AADAT: variants seen among roughly 807,000 people sequenced by gnomAD.
AADAT encodes kynurenine/alpha-aminoadipate aminotransferase, mitochondrial.
A neutral mutation model predicts 56.2 loss-of-function variants in AADAT; 25 were observed. That is an observed-to-expected ratio of 0.44 (90% CI 0.32 to 0.62). AADAT has a LOEUF of 0.62. Among genes scored for constraint, AADAT ranks in the 20% least tolerant of loss-of-function variants. The pLI, the probability that AADAT is intolerant of heterozygous loss-of-function variation, is 0.04. For missense variants in AADAT, 387 were observed against 510.5 expected (o/e 0.76, Z 2.33); for synonymous variants, 173 against 164.7 (o/e 1.05, Z -0.39).
chr4:170,063,694 T>A (rs1050909500), intron 11 of AADAT, among the ~76,000 whole-genome samples: 1 of 152,220 alleles, frequency 6.6e-6, no homozygotes, highest in East Asian at 1.9e-4. Context: ...TAGAGCACCT[T>A]GTCTCTTATG....
intron 3 of AADAT, among the ~76,000 whole-genome samples, chr4:170,083,274 G>C (rs546175511): frequency 1.3e-5 from 2 of 151,906 alleles, no homozygotes; most frequent in African/African-American, 4.8e-5. Flanking sequence ...ATTAAACAAC[G>C]TGCTCCTGAA....
At chr4:170,061,367 A>G (rs542023460) in intron 12 of AADAT, among the ~76,000 whole-genome samples, 1 of 152,348 alleles carries the variant, frequency 6.6e-6, no homozygotes, top group African/African-American at 2.4e-5. Flanking sequence ...GCAAGTAAAT[A>G]AAGAACATGC....
Position 170,070,194 on chromosome 4 carries a change from C to T in AADAT, c.720+393G>A, listed in dbSNP as rs1043603407. On this transcript the variant is annotated intron_variant, in intron 6 of 12. Transcript: ENST00000337664. ...TCTCATACATCATTCTAATCGGCCA[C>T]CACCAAGACACAGAAGTCAACGGCC... Among the ~76,000 whole-genome samples, 58 of 151,968 alleles carry T rather than the reference C, an allele frequency of 3.8e-4. 1 individual carries two copies. The highest frequency in any genetic ancestry group is 1.2e-3 in the African/African-American group (49 of 41,360).
intron 9 of AADAT, 99 bp downstream of exon 9, chr4:170,067,228 T>C (rs565062340): frequency 1.1e-6 from 1 of 893,548 alleles, no homozygotes. Flanking sequence ...TTTCCGAGGA[T>C]ACTTAGGAAG....
At chr4:170,084,007 G>A (rs916692479) in intron 3 of AADAT, among the ~76,000 whole-genome samples, 1 of 152,092 alleles carries the variant, frequency 6.6e-6, no homozygotes, top group Non-Finnish European at 1.5e-5. Flanking sequence ...GCTGATGAAT[G>A]GATAAGGAAA....
At chr4:170,068,880 C>T (rs1371901890) in intron 7 of AADAT, among the ~76,000 whole-genome samples, 193 bp from the exon 8 acceptor site, 1 of 152,156 alleles carries the variant, frequency 6.6e-6, no homozygotes, top group Admixed American at 6.5e-5. Context: ...AGATCGACTA[C>T]GTATTTCGAA....
chr4:170,085,404 A>T (rs531222499), intron 3 of AADAT, among the ~76,000 whole-genome samples: 4 of 152,348 alleles, frequency 2.6e-5, no homozygotes, highest in African/African-American at 9.6e-5. Flanking sequence ...ACTGTTTAAA[A>T]GATGAGAGAG....
intron 8 of AADAT, among the ~76,000 whole-genome samples, chr4:170,067,643 T>C (rs978872565): frequency 6.6e-6 from 1 of 152,194 alleles, no homozygotes; most frequent in Non-Finnish European, 1.5e-5. Context: ...TTTTACCAAA[T>C]GTAATCTCTA....
chr4:170,066,664 C>T (rs1033283839), intron 9 of AADAT, among the ~76,000 whole-genome samples, 186 bp from the exon 10 acceptor site: 6 of 151,948 alleles, frequency 3.9e-5, no homozygotes, highest in African/African-American at 1.4e-4. Flanking sequence ...GTGTTTTTTC[C>T]TTCATTGTAG....
intron 4 of AADAT, among the ~76,000 whole-genome samples, chr4:170,074,069 C>A (rs1195747992): frequency 6.6e-6 from 1 of 152,128 alleles, no homozygotes; most frequent in Non-Finnish European, 1.5e-5. Flanking sequence ...TGGCATGGAA[C>A]TGAGCTCCAG....
intron 3 of AADAT, among the ~76,000 whole-genome samples, chr4:170,083,065 A>G (rs1236482528): frequency 6.6e-6 from 1 of 150,888 alleles, no homozygotes; most frequent in Non-Finnish European, 1.5e-5. Flanking sequence ...TTACAAAAAT[A>G]TTCAACCAAC....
At chr4:170,083,474 T>A (rs1279846775) in intron 3 of AADAT, among the ~76,000 whole-genome samples, 1 of 152,022 alleles carries the variant, frequency 6.6e-6, no homozygotes, top group Non-Finnish European at 1.5e-5. Context: ...TTCAAGGAAC[T>A]AGAACAACCT....
chr4:170,075,499 G>C (rs1731989224), intron 4 of AADAT, among the ~76,000 whole-genome samples: 2 of 152,188 alleles, frequency 1.3e-5, no homozygotes, highest in African/African-American at 4.8e-5. Context: ...TTGTAGACAT[G>C]TGCTTTGCTA....
At chr4:170,084,484 C>T (rs1194574301) in intron 3 of AADAT, among the ~76,000 whole-genome samples, 1 of 152,150 alleles carries the variant, frequency 6.6e-6, no homozygotes, top group Non-Finnish European at 1.5e-5. Context: ...ATTTCTACTA[C>T]AATCACTAGA....
chr4:170,083,654 A>G (rs1212234399), intron 3 of AADAT, among the ~76,000 whole-genome samples: 2 of 152,272 alleles, frequency 1.3e-5, no homozygotes, highest in South Asian at 2.1e-4. Context: ...AATATTACCA[A>G]TGCAATCAGA....
At chr4:170,090,269 C>G (rs1732771518), upstream of AADAT, 1 of 152,278 alleles carries the variant, frequency 6.6e-6, no homozygotes, top group South Asian at 2.1e-4. Flanking sequence ...CGGGAACCAT[C>G]TGGCGGCGAC....
chr4:170,092,522 A>T (rs962330689), upstream of AADAT, among the ~76,000 whole-genome samples: 4 of 152,202 alleles, frequency 2.6e-5, no homozygotes, highest in Admixed American at 1.3e-4. Context: ...ACACACCGCG[A>T]GTGTCTGCGG....
At chr4:170,087,055 G>C in intron 3 of AADAT, 61 bp downstream of exon 3, 1 of 1,589,286 alleles carries the variant, frequency 6.3e-7, no homozygotes, top group East Asian at 2.2e-5. Context: ...AAGTGCGAGA[G>C]GACTATAGAA....
chr4:170,068,855 T>C (rs1731614303), intron 7 of AADAT, among the ~76,000 whole-genome samples, 168 bp from the exon 8 acceptor site: 2 of 152,210 alleles, frequency 1.3e-5, no homozygotes, highest in Non-Finnish European at 2.9e-5. Context: ...CAAATTTAAG[T>C]GTACATTTAA....
Sources: allele counts gnomAD v4.1 joint callset (sites outside exome capture counted in the v4.1 genomes callset), GRCh38; gene constraint gnomAD v4.1.1; transcripts MANE v1.5; gene names NCBI Gene and HGNC (gene_info 2026-07-23, HGNC 2026-07-21).